Variants in LRP1B observed in about 807,000 individuals in gnomAD.
The protein encoded by LRP1B is low-density lipoprotein receptor-related protein 1B.
In LRP1B, 217 loss-of-function variants were observed where a neutral mutation model predicts 556.6. The ratio of observed to expected loss-of-function variants is 0.39; its 90% CI spans 0.35 to 0.44. The LOEUF (loss-of-function observed/expected upper bound fraction) is 0.44. Ranked by LOEUF, LRP1B falls within the 20% of genes least tolerant of loss-of-function variation. The pLI, the probability that LRP1B is intolerant of heterozygous loss-of-function variation, is 1.00. For missense variants in LRP1B, 5,053 were observed against 5,620.8 expected (o/e 0.90, Z 3.23); for synonymous variants, 2,047 against 1,865.8 (o/e 1.10, Z -2.50).
At chr2:141,078,228 G>A (rs1410012666) in intron 7 of LRP1B, among the ~76,000 whole-genome samples, 1 of 152,074 alleles carries the variant, frequency 6.6e-6, no homozygotes, top group Non-Finnish European at 1.5e-5. Flanking sequence ...AGTAAGCAGT[G>A]TCTAACATTG....
intron 41 of LRP1B, among the ~76,000 whole-genome samples, chr2:140,606,631 TAAAG>T (rs1342862100): frequency 1.3e-5 from 2 of 151,932 alleles, no homozygotes; most frequent in African/African-American, 4.8e-5. Flanking sequence ...TTTATAGTAA[TAAAG>T]AGAGTTTGAA....
At chr2:140,253,548 A>G (rs1681547755) in intron 86 of LRP1B, among the ~76,000 whole-genome samples, 1 of 152,114 alleles carries the variant, frequency 6.6e-6, no homozygotes, top group African/African-American at 2.4e-5. Context: ...ATGTTTAAAC[A>G]TAAAATGTTG....
chr2:141,895,165 A>C (rs1461270282), intron 1 of LRP1B, among the ~76,000 whole-genome samples: 5 of 152,184 alleles, frequency 3.3e-5, no homozygotes, highest in Non-Finnish European at 7.4e-5. Context: ...AATGAAATGA[A>C]GTAAACATTT....
At chr2:141,399,753 A>C (rs1364362027) in intron 3 of LRP1B, among the ~76,000 whole-genome samples, 4 of 152,194 alleles carry the variant, frequency 2.6e-5, no homozygotes. Context: ...GACTTATTTA[A>C]AGGACATAGC....
intron 7 of LRP1B, among the ~76,000 whole-genome samples, chr2:141,146,668 A>G (rs1036963230): frequency 6.6e-6 from 1 of 152,206 alleles, no homozygotes; most frequent in African/African-American, 2.4e-5. Flanking sequence ...TACATATGAC[A>G]CGTACATGTG....
rs779951815 is a variant in LRP1B, at chr2:140,358,956, AAG to A, written c.11132-12_11132-11del. The A allele has an allele frequency of 1.9e-6, 3 of 1,604,270 alleles. No homozygotes were observed. Among genetic ancestry groups the A allele is most frequent in the South Asian group, 1.1e-5 (1 of 90,626 alleles). Reference sequence around the variant, plus strand: ...GGACAAAGAAATTTGACTGAAGAAAAAGAAGAAAAAACAAAGAAGCTCCTTCG... The same window carrying A: ...GGACAAAGAAATTTGACTGAAGAAAAAAGAAAAAACAAAGAAGCTCCTTCG... On this transcript the variant is annotated splice_polypyrimidine_tract_variant and intron_variant, in intron 72 of 90. Coordinates refer to ENST00000389484, the MANE Select transcript of LRP1B (RefSeq NM_018557.3).
In LRP1B at chr2:141,544,337, C is replaced by CTTCTTCTTCTT. The variant is rs1559131172; in HGVS notation, c.206-63815_206-63805dup. Among the ~76,000 whole-genome samples, 72 of 67,226 alleles carry CTTCTTCTTCTT rather than the reference C, an allele frequency of 1.1e-3. 2 individuals are homozygous for CTTCTTCTTCTT. The highest frequency in any genetic ancestry group is 2.6e-3 in the African/African-American group (45 of 17,488). 44.1% of individuals were successfully genotyped at this position (67,226 alleles called of 152,430 possible). A position where few individuals can be genotyped will look rare whatever the true frequency, so the allele number is the denominator to read the frequency against. On this transcript the variant is annotated intron_variant, in intron 2 of 90. Coordinates refer to ENST00000389484, the MANE Select transcript of LRP1B (RefSeq NM_018557.3). ...TCTTCTTCTTCTTCTTCTTCTTCTT[C>CTTCTTCTTCTT]TTCTTCTTCTTCTTCTTCTTCTTCT...
At chr2:140,422,665 GA>G (rs1685494521) in intron 66 of LRP1B, among the ~76,000 whole-genome samples, 1 of 152,248 alleles carries the variant, frequency 6.6e-6, no homozygotes, top group South Asian at 2.1e-4. Context: ...AATTTCTATT[GA>G]AAAGGATAAA....
intron 2 of LRP1B, among the ~76,000 whole-genome samples, chr2:141,792,521 T>C (rs1695648726): frequency 6.6e-6 from 1 of 152,040 alleles, no homozygotes; most frequent in South Asian, 2.1e-4. Context: ...TGTTGTATAG[T>C]ATAGTTTGAC....
At chr2:140,436,364 C>T (rs1326137933) in intron 66 of LRP1B, among the ~76,000 whole-genome samples, 1 of 152,048 alleles carries the variant, frequency 6.6e-6, no homozygotes, top group Admixed American at 6.6e-5. Flanking sequence ...GAAGCAAGAT[C>T]GAGCTATGTA....
intron 3 of LRP1B, among the ~76,000 whole-genome samples, chr2:141,361,686 C>A (rs927865814): frequency 4.6e-5 from 7 of 152,226 alleles, no homozygotes; most frequent in African/African-American, 1.7e-4. Context: ...AGTCTTTCCT[C>A]TTTCAAGCTT....
intron 85 of LRP1B, among the ~76,000 whole-genome samples, chr2:140,273,297 C>A (rs1257704826): frequency 6.6e-6 from 1 of 151,672 alleles, no homozygotes; most frequent in African/African-American, 2.4e-5. Context: ...ACAGTTTCAT[C>A]ACAAAGAACA....
At chr2:141,495,317 T>C (rs1388329879) in intron 2 of LRP1B, among the ~76,000 whole-genome samples, 4 of 152,146 alleles carry the variant, frequency 2.6e-5, no homozygotes, top group African/African-American at 9.7e-5. Flanking sequence ...ATTGATTTAT[T>C]TTTGTTTCAT....
intron 1 of LRP1B, among the ~76,000 whole-genome samples, chr2:142,067,401 A>C (rs998754140): frequency 1.3e-5 from 2 of 151,620 alleles, no homozygotes; most frequent in Admixed American, 1.3e-4. Context: ...GGATTTAATC[A>C]GAAACTAAAT....
intron 41 of LRP1B, among the ~76,000 whole-genome samples, chr2:140,615,599 A>C (rs1247573703): frequency 6.6e-6 from 1 of 152,090 alleles, no homozygotes; most frequent in Non-Finnish European, 1.5e-5. Flanking sequence ...GCTTTGATAA[A>C]TTTGTGGTTG....
chr2:141,018,413 T>C (rs1299094761), intron 12 of LRP1B, among the ~76,000 whole-genome samples: 1 of 152,108 alleles, frequency 6.6e-6, no homozygotes, highest in Non-Finnish European at 1.5e-5. Context: ...AAAAAAATAT[T>C]CTATTAATCA....
intron 6 of LRP1B, among the ~76,000 whole-genome samples, chr2:141,197,722 G>A (rs1681815340): frequency 6.6e-6 from 1 of 151,986 alleles, no homozygotes; most frequent in Admixed American, 6.6e-5. Context: ...AGGGAAATAT[G>A]GTAACTTCAA....
At chr2:141,464,849 T>C (rs965810886) in intron 3 of LRP1B, among the ~76,000 whole-genome samples, 7 of 151,836 alleles carry the variant, frequency 4.6e-5, no homozygotes, top group Non-Finnish European at 1.0e-4. Context: ...AGGGATTTAT[T>C]TGGGGGTGTA....
intron 1 of LRP1B, among the ~76,000 whole-genome samples, chr2:142,094,405 G>A (rs556214574): frequency 6.6e-6 from 1 of 151,978 alleles, no homozygotes; most frequent in Non-Finnish European, 1.5e-5. Flanking sequence ...ATTATGCAAG[G>A]TCAGCATTTT....
Sources: allele counts gnomAD v4.1 joint callset (sites outside exome capture counted in the v4.1 genomes callset), GRCh38; gene constraint gnomAD v4.1.1; transcripts MANE v1.5; gene names NCBI Gene and HGNC (gene_info 2026-07-23, HGNC 2026-07-21).